Variants in DENND1A observed in about 807,000 individuals in gnomAD.
DENND1A encodes DENN domain containing 1A.
Under a neutral mutation model 113.7 loss-of-function variants are expected in DENND1A, and 51 were observed. The ratio of observed to expected loss-of-function variants is 0.45; its 90% CI spans 0.36 to 0.57. The LOEUF (loss-of-function observed/expected upper bound fraction) is 0.57. Ranked by LOEUF, DENND1A falls within the 20% of genes least tolerant of loss-of-function variation. The probability of loss-of-function intolerance (pLI) is 0.00; values close to 1 mark genes in which losing one functional copy is unlikely to be tolerated. For synonymous variants in DENND1A, 565 were observed against 570.8 expected, an observed-to-expected ratio of 0.99 and a Z score of 0.14; for missense variants, 1,258 against 1,395.9, an observed-to-expected ratio of 0.90 and a Z score of 1.57.
rs1422272986 is a variant in DENND1A, at chr9:123,538,272, T to C, written c.993+19298A>G. On this transcript the variant is annotated intron_variant, in intron 13 of 23. Transcript: ENST00000394215. ...GAGAAGAGGTTAAGTAAAAGCTCTG[T>C]AGTCTTGAATTTTAATTGGAAGTAT... 2.6e-5 allele frequency among the ~76,000 whole-genome samples: 4 copies of C among 152,194 alleles called. No homozygotes were observed. The East Asian group carries it at 5.8e-4, about 22-fold the overall frequency.
chr9:123,419,612 GTT>G (rs2045063291), intron 19 of DENND1A, among the ~76,000 whole-genome samples: 1 of 152,244 alleles, frequency 6.6e-6, no homozygotes, highest in Non-Finnish European at 1.5e-5. Context: ...GCCTTCTGTA[GTT>G]TTACAAAGGG....
At position 123,499,235 on chromosome 9, in the gene DENND1A, C is replaced by T. The variant is rs780551689; in HGVS notation, c.994-41338G>A. 1.1e-4 allele frequency among the ~76,000 whole-genome samples: 16 copies of T among 150,240 alleles called. No homozygotes were observed. The East Asian group carries it at 1.8e-3, about 17-fold the overall frequency. On this transcript the variant is annotated intron_variant, in intron 13 of 23. Transcript: ENST00000394215. The stretch of plus-strand genomic sequence containing the variant: ...TTTTAGTAGAGAGGGGGTTTCACCA[C>T]GTTGGCCAGACTGGTCTTGAACTCC...
At chr9:123,651,543 G>A (rs1352837794) in intron 9 of DENND1A, among the ~76,000 whole-genome samples, 11 of 152,330 alleles carry the variant, frequency 7.2e-5, no homozygotes, top group Admixed American at 1.3e-4. Flanking sequence ...AAGTCATAGC[G>A]CTTATCAAGC....
At chr9:123,654,934 C>G (rs2062854339) in intron 8 of DENND1A, among the ~76,000 whole-genome samples, 1 of 152,216 alleles carries the variant, frequency 6.6e-6, no homozygotes, top group Non-Finnish European at 1.5e-5. Context: ...TCCCATCAAG[C>G]CTCAGTTCAG....
intron 1 of DENND1A, among the ~76,000 whole-genome samples, chr9:123,919,818 G>A (rs1855893970): frequency 6.7e-6 from 1 of 149,580 alleles, no homozygotes; most frequent in Non-Finnish European, 1.5e-5. Context: ...GGAGGTGGAG[G>A]TTGCAGCGTG....
At chr9:123,840,542 G>C (rs555996805) in intron 2 of DENND1A, among the ~76,000 whole-genome samples, 2 of 152,214 alleles carry the variant, frequency 1.3e-5, no homozygotes, top group East Asian at 3.9e-4. Context: ...TACAAATATT[G>C]TAAGTAAAAT....
rs184614414 is a variant in DENND1A at position 123,925,151 on chromosome 9, C to T, written c.17+4738G>A. On this transcript the variant is annotated intron_variant, in intron 1 of 23. Transcript: ENST00000394215. Reference sequence around the variant, plus strand: ...GTGAGGAGTGAATCTGTATTATTCACCATCGTAATTCCCAATGTCTAACAC... The same window carrying T: ...GTGAGGAGTGAATCTGTATTATTCATCATCGTAATTCCCAATGTCTAACAC... 4.5e-4 allele frequency among the ~76,000 whole-genome samples: 69 copies of T among 152,248 alleles called. 1 individual carries two copies. Among genetic ancestry groups the T allele is most frequent in the African/African-American group, 1.6e-3 (68 of 41,550 alleles).
chr9:123,772,905 T>A (rs1321667898), intron 3 of DENND1A, among the ~76,000 whole-genome samples: 4 of 152,162 alleles, frequency 2.6e-5, no homozygotes, highest in Non-Finnish European at 5.9e-5. Context: ...CAGACGGGTT[T>A]TCTAAAATCC....
At chr9:123,587,507 A>G (rs760484650) in intron 11 of DENND1A, among the ~76,000 whole-genome samples, 1 of 152,230 alleles carries the variant, frequency 6.6e-6, no homozygotes, top group Non-Finnish European at 1.5e-5. Context: ...AAAGAGGCCT[A>G]GAAGAGCCGT....
chr9:123,791,064 G>A (rs1832922716), intron 3 of DENND1A, among the ~76,000 whole-genome samples: 2 of 152,098 alleles, frequency 1.3e-5, no homozygotes, highest in Non-Finnish European at 2.9e-5. Context: ...AAAACTTTCA[G>A]ATATAGTAAG....
chr9:123,416,991 G>A (rs1399425880), intron 19 of DENND1A, among the ~76,000 whole-genome samples: 4 of 152,222 alleles, frequency 2.6e-5, no homozygotes, highest in Admixed American at 1.3e-4. Flanking sequence ...AATAGACTTC[G>A]GGTTAGAAAC....
At chr9:123,647,830 TTAAATAAAACC>T (rs2062420653) in intron 9 of DENND1A, among the ~76,000 whole-genome samples, 1 of 152,150 alleles carries the variant, frequency 6.6e-6, no homozygotes, top group Non-Finnish European at 1.5e-5. Context: ...TTTCCAGGAT[TTAAATAAAACC>T]TAAAAAAAGC....
intron 13 of DENND1A, among the ~76,000 whole-genome samples, chr9:123,477,358 C>G (rs1439962685): frequency 6.6e-6 from 1 of 152,026 alleles, no homozygotes; most frequent in East Asian, 1.9e-4. Flanking sequence ...TGAGACCAAC[C>G]TGGGCAACAG....
chr9:123,519,706 C>T (rs933964026), intron 13 of DENND1A, among the ~76,000 whole-genome samples: 1 of 152,156 alleles, frequency 6.6e-6, no homozygotes, highest in East Asian at 1.9e-4. Flanking sequence ...ATGTGAGCCA[C>T]CACACCTGGC....
intron 11 of DENND1A, among the ~76,000 whole-genome samples, chr9:123,606,651 T>C (rs554599953): frequency 3.9e-5 from 6 of 152,378 alleles, no homozygotes; most frequent in South Asian, 4.1e-4. Context: ...GTGATGCCTA[T>C]TAGAGGGCTT....
At chr9:123,473,332 G>A (rs568821043) in intron 13 of DENND1A, among the ~76,000 whole-genome samples, 34 of 152,302 alleles carry the variant, frequency 2.2e-4, no homozygotes, top group African/African-American at 7.9e-4. Context: ...GGGCAGGGGA[G>A]GGCGGAGGGA....
intron 13 of DENND1A, among the ~76,000 whole-genome samples, chr9:123,518,527 G>C (rs1468168575): frequency 6.6e-6 from 1 of 152,132 alleles, no homozygotes; most frequent in East Asian, 1.9e-4. Flanking sequence ...CTCTGGCTCA[G>C]CTAAATGCTG....
intron 2 of DENND1A, among the ~76,000 whole-genome samples, chr9:123,805,742 T>G (rs1311224551): frequency 6.6e-6 from 1 of 152,136 alleles, no homozygotes; most frequent in Non-Finnish European, 1.5e-5. Flanking sequence ...CTATATATTA[T>G]TTTAATAATT....
intron 19 of DENND1A, among the ~76,000 whole-genome samples, chr9:123,426,635 C>T (rs2045754542): frequency 6.6e-6 from 1 of 152,170 alleles, no homozygotes; most frequent in Non-Finnish European, 1.5e-5. Context: ...CCCTCTCTGG[C>T]TGGACTCTAC....
Sources: gnomAD v4.1 joint callset for allele counts (sites outside exome capture counted in the v4.1 genomes callset) on GRCh38, gnomAD v4.1.1 for gene constraint, MANE v1.5 for transcripts, NCBI Gene and HGNC (gene_info 2026-07-23, HGNC 2026-07-21) for gene names.